Variants in MZB1 observed in about 807,000 individuals in gnomAD.
The protein encoded by MZB1 is marginal zone B- and B1-cell-specific protein.
Under a neutral mutation model 17.2 loss-of-function variants are expected in MZB1, and 10 were observed. The ratio of observed to expected loss-of-function variants is 0.58; its 90% CI spans 0.36 to 0.98. The LOEUF (loss-of-function observed/expected upper bound fraction) is 0.98. MZB1 is among the 50% of genes least tolerant of loss of function. The pLI, the probability that MZB1 is intolerant of heterozygous loss-of-function variation, is 0.01. For missense variants in MZB1, 246 were observed against 237.5 expected (o/e 1.04, Z -0.23); for synonymous variants, 99 against 98.7 (o/e 1.00, Z -0.02).
At chr5:139,389,557 T>C in intron 1 of MZB1, 123 bp downstream of exon 1, 1 of 1,181,522 alleles carries the variant, frequency 8.5e-7, no homozygotes, top group Non-Finnish European at 1.2e-6. Context: ...GCTGCATCTG[T>C]GGCTTGATGC....
At chr5:139,388,685 G>A (rs778019482) in intron 1 of MZB1, 100 bp from the exon 2 acceptor site, 2 of 1,513,198 alleles carry the variant, frequency 1.3e-6, no homozygotes, top group Non-Finnish European at 1.8e-6. Flanking sequence ...AAATAAAGTG[G>A]CAAGAGAGCC....
Position 139,387,481 on chromosome 5 carries a change from T to C in MZB1, c.*284A>G. ...AAAAAAAAAAATTGATTTTGAGAGT[T>C]TTTTTTTTTTTTTCACAAGGGACAT... On this transcript the variant is annotated 3_prime_UTR_variant, in exon 4 of 4. Coordinates refer to ENST00000302125, the MANE Select transcript of MZB1 (RefSeq NM_016459.4). 1 of 226,130 alleles carries C rather than the reference T, an allele frequency of 4.4e-6. No homozygotes were observed. Among genetic ancestry groups the C allele is most frequent in the Non-Finnish European group, 8.6e-6 (1 of 116,630 alleles). The allele number at this position is 226,130 out of a possible 1,614,324, so 14.0% of individuals were successfully genotyped here. A position where few individuals can be genotyped will look rare whatever the true frequency, so the allele number is the denominator to read the frequency against.
chr5:139,388,785 A>C, intron 1 of MZB1, 200 bp from the exon 2 acceptor site: 1 of 828,836 alleles, frequency 1.2e-6, no homozygotes, highest in Non-Finnish European at 1.8e-6. Flanking sequence ...ATGGGAAAGA[A>C]ATGCTGAAGT....
chr5:139,388,563 G>A lies in MZB1; in HGVS notation c.200C>T (p.Ala67Val). 1 of 1,602,034 alleles carries A rather than the reference G, an allele frequency of 6.2e-7. No homozygotes were observed. Among genetic ancestry groups the A allele is most frequent in the Non-Finnish European group, 8.5e-7 (1 of 1,174,280 alleles). The change falls in exon 2 of 4, where the codon GCA becomes GTA. Residue 67 changes from alanine to valine, a missense_variant. Coordinates refer to ENST00000302125, the MANE Select transcript of MZB1 (RefSeq NM_016459.4). ...GTTTGAGGTATGAAGTTTGGTCTCTGCCTTTGCCAGATTTTGCCACATCTG... is the reference window on the plus strand; with the variant it reads ...GTTTGAGGTATGAAGTTTGGTCTCTACCTTTGCCAGATTTTGCCACATCTG... ...AYQMWQNLAK[A>V]ETKLHTSNSG...
rs1758548655 is a variant in MZB1, at chr5:139,388,311, C to T, written c.302+150G>A. ...CCTCTGCTCTCCCACTTGCTCTCAG[C>T]TCCAGAGCCCAGACTTCATCCCAGC... On this transcript the variant is annotated intron_variant, in intron 2 of 3. Transcript: ENST00000302125. 12 of 1,103,052 alleles carry T rather than the reference C, an allele frequency of 1.1e-5. No homozygotes were observed. The South Asian group carries it at 1.5e-4, about 13-fold the overall frequency. The allele number at this position is 1,103,052 out of a possible 1,614,324, so 68.3% of individuals were successfully genotyped here.
At chr5:139,388,673 GA>G in intron 1 of MZB1, 88 bp from the exon 2 acceptor site, 2 of 1,534,840 alleles carry the variant, frequency 1.3e-6, no homozygotes, top group Non-Finnish European at 1.8e-6. Flanking sequence ...AGTCTCTGGG[GA>G]AAATAAAGTG....
chr5:139,388,715 G>C, intron 1 of MZB1, 130 bp from the exon 2 acceptor site: 1 of 1,437,490 alleles, frequency 7.0e-7, no homozygotes, highest in Non-Finnish European at 9.2e-7. Flanking sequence ...GGAAGCACCT[G>C]TGAGGCTGTT....
chr5:139,388,373 G>A, intron 2 of MZB1, 88 bp downstream of exon 2: 1 of 1,374,406 alleles, frequency 7.3e-7, no homozygotes, highest in Non-Finnish European at 1.0e-6. Flanking sequence ...AGAGGAGTGT[G>A]TGTGTTGTGT....
chr5:139,388,747 C>G (rs1758556719), intron 1 of MZB1, 162 bp from the exon 2 acceptor site: 2 of 1,233,118 alleles, frequency 1.6e-6, no homozygotes, highest in South Asian at 3.3e-5. Flanking sequence ...CCCCCAGCCC[C>G]CAAAGCTCTC....
chr5:139,388,014 G>A lies in MZB1; in HGVS notation c.413+7C>T. The A allele has an allele frequency of 6.4e-7, 1 of 1,563,568 alleles. No homozygotes were observed. The highest frequency in any genetic ancestry group is 1.4e-5 in the African/African-American group (1 of 73,562). On this transcript the variant is annotated splice_region_variant and intron_variant, in intron 3 of 3. Coordinates refer to ENST00000302125, the MANE Select transcript of MZB1 (RefSeq NM_016459.4). ...GCTTCATCCTATCCCCAAGCCCCGGGCATCACCTGGTAGGCCAGGGGCCCC... is the reference window on the plus strand; with the variant it reads ...GCTTCATCCTATCCCCAAGCCCCGGACATCACCTGGTAGGCCAGGGGCCCC...
Position 139,388,033 on chromosome 5 carries a change from G to A in MZB1, c.401C>T (p.Pro134Leu). 2 of 1,557,870 alleles carry A rather than the reference G, an allele frequency of 1.3e-6. No individual in the cohort carries two copies. The highest frequency in any genetic ancestry group is 1.7e-6 in the Non-Finnish European group (2 of 1,150,646). The change falls in exon 3 of 4, where the codon CCC becomes CTC. Residue 134 changes from proline (P) to leucine (L), a missense_variant. Pro to Leu is a moderately conservative substitution (Grantham distance 98). Coordinates refer to ENST00000302125, the MANE Select transcript of MZB1 (RefSeq NM_016459.4). ...PSISVMVTGG[P>L]WPTRLSRTCL... ...CCCCGGGCATCACCTGGTAGGCCAG[G>A]GGCCCCCTGTGACCATCACGCTGAT...
intron 1 of MZB1, 87 bp from the exon 2 acceptor site, chr5:139,388,672 G>A: frequency 5.9e-6 from 9 of 1,535,080 alleles, no homozygotes; most frequent in Non-Finnish European, 7.0e-6. Context: ...GAGTCTCTGG[G>A]GAAAATAAAG....
chr5:139,388,415 GC>G (rs1758549534), intron 2 of MZB1, 45 bp downstream of exon 2: 1 of 1,515,368 alleles, frequency 6.6e-7, no homozygotes, highest in Non-Finnish European at 8.8e-7. Flanking sequence ...CACCCACCAG[GC>G]CTGCCCTTGG....
At position 139,388,093 on chromosome 5, in the gene MZB1, G is replaced by A; in HGVS notation, c.341C>T (p.Thr114Ile). The change falls in exon 3 of 4, where the codon ACA becomes ATA. Residue 114 changes from threonine (T) to isoleucine (I), a missense_variant. Transcript: ENST00000302125. ...TGGCCCCTCGCTAAGTCCTGGGCCTGTGAGACGTTTCACTTGGTCCACTTC... is the reference window on the plus strand; with the variant it reads ...TGGCCCCTCGCTAAGTCCTGGGCCTATGAGACGTTTCACTTGGTCCACTTC... Reference protein sequence around the residue: ...VREVDQVKRLTGPGLSEGPEP... With the variant: ...VREVDQVKRLIGPGLSEGPEP... The A allele has an allele frequency of 1.9e-6, 3 of 1,552,236 alleles. No individual in the cohort carries two copies. The highest frequency in any genetic ancestry group is 2.6e-6 in the Non-Finnish European group (3 of 1,147,646).
Position 139,388,500 on chromosome 5 carries a change from G to C in MZB1, c.263C>G (p.Thr88Arg), listed in dbSNP as rs189193994. Residue 88 changes from threonine to arginine, a missense_variant, in exon 2 of 4, where the codon ACG becomes AGG. Transcript: ENST00000302125. Reference protein sequence around the residue: ...GRRELSELVYTDVLDRSCSRN... With the variant: ...GRRELSELVYRDVLDRSCSRN... ...GGAGCAGCTCCGGTCCAGGACATCC[G>C]TGTAGACCAACTCGCTCAGCTCCCG... 8.1e-6 allele frequency: 13 copies of C among 1,605,742 alleles called. No individual in the cohort carries two copies. Among genetic ancestry groups the C allele is most frequent in the East Asian group, 2.2e-5 (1 of 44,592 alleles).
At position 139,389,904 on chromosome 5, in the gene MZB1, ATG is replaced by A. The variant is rs772342861; in HGVS notation, c.-50_-49del. 1 of 1,521,144 alleles carries A rather than the reference ATG, an allele frequency of 6.6e-7. No homozygotes were observed. The highest frequency in any genetic ancestry group is 8.8e-7 in the Non-Finnish European group (1 of 1,138,284). 94.2% of individuals were successfully genotyped at this position (1,521,144 alleles called of 1,614,324 possible). On this transcript the variant is annotated 5_prime_UTR_variant, in exon 1 of 4. Coordinates refer to ENST00000302125, the MANE Select transcript of MZB1 (RefSeq NM_016459.4). ...AGTGTAGTCTGTGGTTGAGGTGCAG[ATG>A]TGTGTGTGCTTGTGTGGTGTGGGGA...
In MZB1 at chr5:139,388,485, C is replaced by G. The variant is rs200793536; in HGVS notation, c.278G>C (p.Arg93Pro). 2 of 1,605,180 alleles carry G rather than the reference C, an allele frequency of 1.2e-6. No homozygotes were observed. Among genetic ancestry groups the G allele is most frequent in the Non-Finnish European group, 1.7e-6 (2 of 1,176,100 alleles). ...CTCCTGCCAGTTCCGGGAGCAGCTC[C>G]GGTCCAGGACATCCGTGTAGACCAA... ...SELVYTDVLD[R>P]SCSRNWQDYG... Residue 93 changes from arginine to proline, a missense_variant, in exon 2 of 4, where the codon CGG becomes CCG. Arg to Pro is a moderately radical substitution (Grantham distance 103). Coordinates refer to ENST00000302125, the MANE Select transcript of MZB1 (RefSeq NM_016459.4).
Position 139,387,479 on chromosome 5 carries a change from GT to G in MZB1, c.*285del, listed in dbSNP as rs369002282. 0.015 allele frequency: 2,775 copies of G among 190,846 alleles called. No homozygotes were observed. The highest frequency in any genetic ancestry group is 0.044 in the Middle Eastern group (70 of 1,590). 11.8% of individuals were successfully genotyped at this position (190,846 alleles called of 1,614,324 possible). ...CAAAAAAAAAAAATTGATTTTGAGAGTTTTTTTTTTTTTTTCACAAGGGACA... is the reference window on the plus strand; with the variant it reads ...CAAAAAAAAAAAATTGATTTTGAGAGTTTTTTTTTTTTTTCACAAGGGACA... On this transcript the variant is annotated 3_prime_UTR_variant, in exon 4 of 4. Transcript: ENST00000302125.
At chr5:139,389,098 C>T (rs924171485) in intron 1 of MZB1, 1 of 224,824 alleles carries the variant, frequency 4.4e-6, no homozygotes, top group East Asian at 1.4e-4. Flanking sequence ...TCTCGAACTC[C>T]TGAGTTCAGG....
Sources: gnomAD v4.1 joint callset for allele counts on GRCh38, gnomAD v4.1.1 for gene constraint, MANE v1.5 for transcripts, NCBI Gene and HGNC (gene_info 2026-07-23, HGNC 2026-07-21) for gene names.